The following CABCOCO1 variants were observed in gnomAD, a reference collection of about 807,000 sequenced individuals.
CABCOCO1 encodes the protein ciliary associated calcium binding coiled-coil 1.
A neutral mutation model predicts 35.7 loss-of-function variants in CABCOCO1; 28 were observed. The ratio of observed to expected loss-of-function variants is 0.78; its 90% CI spans 0.58 to 1.07. CABCOCO1 has a LOEUF of 1.07. Ranked by LOEUF, CABCOCO1 falls within the 50% of genes least tolerant of loss-of-function variation. The pLI, the probability that CABCOCO1 is intolerant of heterozygous loss-of-function variation, is 0.00. For missense variants in CABCOCO1, 326 were observed against 309.2 expected (o/e 1.05, Z -0.41); for synonymous variants, 95 against 100.1 (o/e 0.95, Z 0.30).
intron 2 of CABCOCO1, among the ~76,000 whole-genome samples, chr10:61,675,074 G>A (rs893982747): frequency 1.3e-5 from 2 of 152,100 alleles, no homozygotes; most frequent in Non-Finnish European, 2.9e-5. Flanking sequence ...CAAGAGTAAT[G>A]TAATATTTTT....
chr10:61,674,899 T>C (rs1262275335), intron 2 of CABCOCO1, among the ~76,000 whole-genome samples: 3 of 152,126 alleles, frequency 2.0e-5, no homozygotes, highest in Non-Finnish European at 4.4e-5. Context: ...TAAAAAAGAA[T>C]AAGGACTAAA....
intron 5 of CABCOCO1, among the ~76,000 whole-genome samples, chr10:61,733,175 T>C (rs976790002): frequency 2.6e-5 from 4 of 152,042 alleles, no homozygotes; most frequent in Non-Finnish European, 5.9e-5. Flanking sequence ...TGTTGTAATG[T>C]CTTTTGGGTT....
intron 3 of CABCOCO1, among the ~76,000 whole-genome samples, chr10:61,684,459 C>A (rs72821787): frequency 0.12 from 17,834 of 152,116 alleles, 1,124 homozygotes; most frequent in Middle Eastern, 0.17. Flanking sequence ...GCTGTGTAAT[C>A]CAGAAATACC....
chr10:61,693,167 A>T (rs1055338626), intron 5 of CABCOCO1, among the ~76,000 whole-genome samples: 3 of 152,112 alleles, frequency 2.0e-5, no homozygotes, highest in African/African-American at 7.2e-5. Context: ...GCAATAAAAA[A>T]AAATCTTTAA....
chr10:61,682,495 A>G (rs1165569686), intron 3 of CABCOCO1, among the ~76,000 whole-genome samples: 1 of 152,160 alleles, frequency 6.6e-6, no homozygotes, highest in Non-Finnish European at 1.5e-5. Flanking sequence ...ACTCCTGAGC[A>G]CGTAGCCAGG....
chr10:61,738,306 A>G (rs1450403540), intron 5 of CABCOCO1, among the ~76,000 whole-genome samples: 1 of 152,168 alleles, frequency 6.6e-6, no homozygotes, highest in Non-Finnish European at 1.5e-5. Context: ...AGGAGCCTAG[A>G]TCCCATAAGA....
At chr10:61,727,459 A>G (rs1245370112) in intron 5 of CABCOCO1, among the ~76,000 whole-genome samples, 1 of 152,146 alleles carries the variant, frequency 6.6e-6, no homozygotes, top group Non-Finnish European at 1.5e-5. Flanking sequence ...CATCTGAAAG[A>G]GCTCTAGAGT....
At chr10:61,715,202 T>C (rs1339603590) in intron 5 of CABCOCO1, among the ~76,000 whole-genome samples, 3 of 152,170 alleles carry the variant, frequency 2.0e-5, no homozygotes, top group African/African-American at 4.8e-5. Flanking sequence ...GCTCCTGTAT[T>C]GGGTGCATAT....
intron 5 of CABCOCO1, among the ~76,000 whole-genome samples, chr10:61,727,643 C>T (rs1282853376): frequency 6.6e-6 from 1 of 152,130 alleles, no homozygotes; most frequent in Non-Finnish European, 1.5e-5. Flanking sequence ...GAAATATTTT[C>T]CTGATAATTG....
chr10:61,701,318 T>C (rs1311339528), intron 5 of CABCOCO1, among the ~76,000 whole-genome samples: 3 of 152,202 alleles, frequency 2.0e-5, no homozygotes, highest in Non-Finnish European at 4.4e-5. Flanking sequence ...ATTATAAAAA[T>C]GTCTGTTTTA....
chr10:61,751,584 T>TTCA lies in CABCOCO1; in HGVS notation c.553-8475_553-8474insTCA, dbSNP rs1213141031. Among the ~76,000 whole-genome samples, 3 of 152,128 alleles carry TTCA rather than the reference T, an allele frequency of 2.0e-5. No individual in the cohort carries two copies. The East Asian group carries it at 5.8e-4, about 29-fold the overall frequency. On this transcript the variant is annotated intron_variant, in intron 5 of 7. Transcript: ENST00000648843. ...AAAAATAAATGGACAAGCTTCAGCC[T>TTCA]GTCAATGATTCCAGTAAGCACTAAA...
chr10:61,683,630 C>T (rs1166191364), intron 3 of CABCOCO1, among the ~76,000 whole-genome samples: 1 of 152,146 alleles, frequency 6.6e-6, no homozygotes, highest in African/African-American at 2.4e-5. Context: ...TATGAGGTAT[C>T]ATCCTACATT....
intron 5 of CABCOCO1, among the ~76,000 whole-genome samples, chr10:61,751,064 C>T (rs981305382): frequency 5.3e-5 from 8 of 152,048 alleles, no homozygotes; most frequent in Admixed American, 4.6e-4. Flanking sequence ...GTTGATTGAG[C>T]TGGGTGGAAA....
At chr10:61,690,094 G>T (rs1395380229) in intron 4 of CABCOCO1, among the ~76,000 whole-genome samples, 1 of 152,076 alleles carries the variant, frequency 6.6e-6, no homozygotes, top group Non-Finnish European at 1.5e-5. Flanking sequence ...TCTTGAAACA[G>T]TTTGAGAATG....
chr10:61,693,870 TA>T (rs57965194), intron 5 of CABCOCO1, among the ~76,000 whole-genome samples: 23,897 of 150,542 alleles, frequency 0.16, 2,074 homozygotes, highest in Middle Eastern at 0.22. Flanking sequence ...TGCAAAGAAA[TA>T]AAAAAAAATA....
intron 5 of CABCOCO1, among the ~76,000 whole-genome samples, chr10:61,756,878 CAT>C (rs1841907796): frequency 6.6e-6 from 1 of 151,288 alleles, no homozygotes; most frequent in African/African-American, 2.4e-5. Context: ...TAAGAGGTAA[CAT>C]ATTAGACTTT....
chr10:61,720,917 C>CTTTTTTTTTTTTTTTTT lies in CABCOCO1; in HGVS notation c.552+30305_552+30321dup, dbSNP rs71018996. On this transcript the variant is annotated intron_variant, in intron 5 of 7. Transcript: ENST00000648843. The stretch of plus-strand genomic sequence containing the variant: ...TGCTTTTTCTTCTTTTCTTTTCATT[C>CTTTTTTTTTTTTTTTTT]TTTTTTTTTTTTTTTTTTTTTTTTT... Among the ~76,000 whole-genome samples the CTTTTTTTTTTTTTTTTT allele has an allele frequency of 6.8e-4, 45 of 66,012 alleles. 2 individuals carry two copies. Among genetic ancestry groups the CTTTTTTTTTTTTTTTTT allele is most frequent in the South Asian group, 1.3e-3 (2 of 1,562 alleles). The allele number at this position is 66,012 out of a possible 152,430, so 43.3% of individuals were successfully genotyped here. A position where few individuals can be genotyped will look rare whatever the true frequency, so the allele number is the denominator to read the frequency against.
intron 5 of CABCOCO1, among the ~76,000 whole-genome samples, chr10:61,732,249 C>T (rs971067656): frequency 6.6e-6 from 1 of 152,062 alleles, no homozygotes; most frequent in African/African-American, 2.4e-5. Context: ...GATGAACTAG[C>T]ATTTTAATTA....
chr10:61,685,926 A>G (rs927386244), intron 3 of CABCOCO1, 115 bp from the exon 4 acceptor site: 2 of 862,268 alleles, frequency 2.3e-6, no homozygotes, highest in Admixed American at 3.4e-5. Flanking sequence ...TTTACCATTT[A>G]TCCTCACAAA....
Sources: gnomAD v4.1 joint callset for allele counts (sites outside exome capture counted in the v4.1 genomes callset) on GRCh38, gnomAD v4.1.1 for gene constraint, MANE v1.5 for transcripts, NCBI Gene and HGNC (gene_info 2026-07-23, HGNC 2026-07-21) for gene names.